TWF2: variants seen among roughly 807,000 people sequenced by gnomAD.
TWF2 encodes twinfilin actin binding protein 2.
A neutral mutation model predicts 45.1 loss-of-function variants in TWF2; 15 were observed. The ratio of observed to expected loss-of-function variants is 0.33; its 90% CI spans 0.22 to 0.51. TWF2 has a LOEUF of 0.51. Among genes scored for constraint, TWF2 ranks in the 20% least tolerant of loss-of-function variants. The pLI, the probability that TWF2 is intolerant of heterozygous loss-of-function variation, is 0.97. For synonymous variants in TWF2, 177 were observed against 195.8 expected (o/e 0.90, Z 0.80); for missense variants, 423 against 469.1 (o/e 0.90, Z 0.91).
At chr3:52,232,364 CCACA>C (rs1262223352) in intron 2 of TWF2, 1 of 539,820 alleles carries the variant, frequency 1.9e-6, no homozygotes, top group Non-Finnish European at 3.3e-6. Flanking sequence ...ACACACCCCC[CCACA>C]CACACACACG....
In TWF2 at chr3:52,231,301, G is replaced by C; in HGVS notation, c.379-70C>G. ...GGATTGGCTAGAGGAGGCCCACGGA[G>C]CACGCCAGCTTGCAGCCCTTGGACT... On this transcript the variant is annotated intron_variant, in intron 4 of 8. Coordinates refer to ENST00000305533, the MANE Select transcript of TWF2 (RefSeq NM_007284.4). 1.7e-5 allele frequency: 27 copies of C among 1,587,570 alleles called. 2 individuals carry two copies. The South Asian group carries it at 2.9e-4, about 17-fold the overall frequency.
chr3:52,231,043 G>C, intron 5 of TWF2, 48 bp from the exon 6 acceptor site: 1 of 1,609,898 alleles, frequency 6.2e-7, no homozygotes, highest in South Asian at 1.1e-5. Context: ...CCCAAAGCAG[G>C]GTGTGGCTCC....
In TWF2 at chr3:52,235,009, G is replaced by A; in HGVS notation, c.103+20C>T. 1.2e-6 allele frequency: 2 copies of A among 1,612,630 alleles called. No homozygotes were observed. The highest frequency in any genetic ancestry group is 8.5e-7 in the Non-Finnish European group (1 of 1,179,816). ...GAGTCCACCCCCAAGCCTATACCCT[G>A]GCCTGTGAGGGGCACTCACCGTCCT... is the stretch of plus-strand genomic sequence containing the variant. On this transcript the variant is annotated intron_variant, in intron 2 of 8. Transcript: ENST00000305533.
At chr3:52,237,927 C>T (rs1175054301) in intron 1 of TWF2, among the ~76,000 whole-genome samples, 1 of 152,250 alleles carries the variant, frequency 6.6e-6, no homozygotes, top group Non-Finnish European at 1.5e-5. Flanking sequence ...ACCCGCCAGG[C>T]TGTCTGGGCA....
Position 52,229,146 on chromosome 3 carries a change from T to G in TWF2, c.938A>C (p.His313Pro). ...LTAEFLYDEV[H>P]PKQHAFKQAF... ...CTGCTTGAAGGCGTGTTGCTTGGGG[T>G]GCACCTCGTCGTAGAGGAACTCTGC... is the stretch of plus-strand genomic sequence containing the variant. Residue 313 changes from histidine to proline, a missense_variant, in exon 9 of 9, where the codon CAC becomes CCC. Transcript: ENST00000305533. The G allele has an allele frequency of 6.2e-7, 1 of 1,613,460 alleles. No homozygotes were observed. Among genetic ancestry groups the G allele is most frequent in the Non-Finnish European group, 8.5e-7 (1 of 1,180,008 alleles).
chr3:52,231,413 T>C, intron 4 of TWF2, 31 bp downstream of exon 4: 1 of 1,609,200 alleles, frequency 6.2e-7, no homozygotes, highest in Non-Finnish European at 8.5e-7. Flanking sequence ...GGCCCAGGAT[T>C]GTGTCCCGGT....
intron 1 of TWF2, 130 bp downstream of exon 1, chr3:52,238,862 C>A: frequency 7.6e-7 from 1 of 1,316,404 alleles, no homozygotes; most frequent in Non-Finnish European, 1.0e-6. Context: ...CCAGGCGACC[C>A]GCGGCTGCAA....
In TWF2 at chr3:52,239,115, G is replaced by A; in HGVS notation, c.-99C>T. 1 of 1,423,176 alleles carries A rather than the reference G, an allele frequency of 7.0e-7. No individual in the cohort carries two copies. The highest frequency in any genetic ancestry group is 9.3e-7 in the Non-Finnish European group (1 of 1,079,042). The allele number at this position is 1,423,176 out of a possible 1,614,324, so 88.2% of individuals were successfully genotyped here. A position where few individuals can be genotyped will look rare whatever the true frequency, so the allele number is the denominator to read the frequency against. ...AAGAGAGGTGGAGGATGTGGCGGAG[G>A]CTGTCGACCCTCGCGCAGCTTCCCG... On this transcript the variant is annotated 5_prime_UTR_variant, in exon 1 of 9. Transcript: ENST00000305533.
chr3:52,234,261 A>G (rs1699705544), intron 2 of TWF2, among the ~76,000 whole-genome samples: 1 of 152,152 alleles, frequency 6.6e-6, no homozygotes, highest in African/African-American at 2.4e-5. Flanking sequence ...AAGAGCTGGG[A>G]GGACCTCTGG....
At chr3:52,229,532 C>T in intron 8 of TWF2, 129 bp downstream of exon 8, 1 of 1,463,528 alleles carries the variant, frequency 6.8e-7, no homozygotes, top group East Asian at 2.3e-5. Context: ...GCTCCTTGGG[C>T]CTCAGATGCC....
Position 52,229,189 on chromosome 3 carries a change from C to G in TWF2, c.895G>C (p.Asp299His), listed in dbSNP as rs757554430. Residue 299 changes from aspartate to histidine, a missense_variant, in exon 9 of 9, where the codon GAT becomes CAT. By Grantham distance (81) the Asp-to-His change is moderately conservative (BLOSUM62 -1). Coordinates refer to ENST00000305533, the MANE Select transcript of TWF2 (RefSeq NM_007284.4). ...LEIAKKIEIG[D>H]GAELTAEFLY... Reference sequence around the variant, plus strand: ...AACTCTGCCGTCAGCTCTGCCCCATCGCCAATCTCAATCTGCATGGGGCAA... The same window carrying G: ...AACTCTGCCGTCAGCTCTGCCCCATGGCCAATCTCAATCTGCATGGGGCAA... The G allele has an allele frequency of 1.9e-6, 3 of 1,611,492 alleles. No individual in the cohort carries two copies. The highest frequency in any genetic ancestry group is 8.5e-7 in the Non-Finnish European group (1 of 1,179,964).
intron 1 of TWF2, among the ~76,000 whole-genome samples, chr3:52,238,111 G>A (rs1258458932): frequency 6.6e-6 from 1 of 152,154 alleles, no homozygotes; most frequent in African/African-American, 2.4e-5. Context: ...TGCGGGAATG[G>A]TGAAGCTTCC....
chr3:52,231,636 G>C (rs761203650), intron 3 of TWF2, 97 bp from the exon 4 acceptor site: 1 of 1,360,910 alleles, frequency 7.3e-7, no homozygotes, highest in Non-Finnish European at 1.0e-6. Flanking sequence ...GGCTCACTGC[G>C]CTGGCACACC....
chr3:52,229,860 T>A, intron 7 of TWF2, 60 bp downstream of exon 7: 1 of 1,594,910 alleles, frequency 6.3e-7, no homozygotes, highest in Non-Finnish European at 8.6e-7. Context: ...CCTGCCCCAC[T>A]GCAGACCAGC....
intron 2 of TWF2, among the ~76,000 whole-genome samples, chr3:52,234,180 T>C (rs543954011): frequency 6.6e-6 from 1 of 152,058 alleles, no homozygotes; most frequent in African/African-American, 2.4e-5. Flanking sequence ...ACACAACGCG[T>C]GGAAAGCCAG....
chr3:52,233,053 T>A (rs1318184045), intron 2 of TWF2, among the ~76,000 whole-genome samples: 1 of 152,208 alleles, frequency 6.6e-6, no homozygotes, highest in African/African-American at 2.4e-5. Flanking sequence ...GCAGCCACCA[T>A]CTAAGTGCCT....
intron 1 of TWF2, among the ~76,000 whole-genome samples, chr3:52,236,653 G>A (rs1699728706): frequency 6.6e-6 from 1 of 152,154 alleles, no homozygotes; most frequent in Non-Finnish European, 1.5e-5. Flanking sequence ...ACAAACTCTG[G>A]TTATGTCCTC....
chr3:52,230,197 C>T (rs1699665843), intron 6 of TWF2, 127 bp from the exon 7 acceptor site: 1 of 1,292,444 alleles, frequency 7.7e-7, no homozygotes, highest in Middle Eastern at 2.7e-4. Flanking sequence ...TCTCCCAAGA[C>T]TCCCCTGCAA....
At chr3:52,231,286 G>C (rs957526683) in intron 4 of TWF2, 55 bp from the exon 5 acceptor site, 4 of 1,602,956 alleles carry the variant, frequency 2.5e-6, no homozygotes, top group African/African-American at 1.3e-5. Context: ...GGATTGGCTA[G>C]AGGAGGCCCA....
Sources: gnomAD v4.1 joint callset for allele counts (sites outside exome capture counted in the v4.1 genomes callset) on GRCh38, gnomAD v4.1.1 for gene constraint, MANE v1.5 for transcripts, NCBI Gene and HGNC (gene_info 2026-07-23, HGNC 2026-07-21) for gene names.